ZFYVE26: variants seen among roughly 807,000 people sequenced by gnomAD.
The protein encoded by ZFYVE26 is zinc finger FYVE-type containing 26, also known as zinc finger FYVE domain-containing protein 26.
In ZFYVE26, 181 loss-of-function variants were observed where a neutral mutation model predicts 276.5. That is an observed-to-expected ratio of 0.65 (90% CI 0.58 to 0.74). The LOEUF is 0.74. Among genes scored for constraint, ZFYVE26 ranks in the 30% least tolerant of loss-of-function variants. The probability of loss-of-function intolerance (pLI) is 0.00; values close to 1 mark genes in which losing one functional copy is unlikely to be tolerated. For synonymous variants in ZFYVE26, 1,129 were observed against 1,203.1 expected (o/e 0.94, Z 1.27); for missense variants, 2,821 against 3,097.9 (o/e 0.91, Z 2.12).
At chr14:67,792,663 G>C (rs1320517926) in intron 14 of ZFYVE26, among the ~76,000 whole-genome samples, 5 of 152,122 alleles carry the variant, frequency 3.3e-5, no homozygotes, top group Non-Finnish European at 7.4e-5. Flanking sequence ...TGTAATCCCA[G>C]CATTTTGGGA....
At chr14:67,781,596 AC>A (rs1482665500) in intron 21 of ZFYVE26, 67 bp from the exon 22 acceptor site, 6 of 1,463,816 alleles carry the variant, frequency 4.1e-6, no homozygotes, top group African/African-American at 2.8e-5. Context: ...AGTCCAGGTT[AC>A]TTCTTGAGAA....
At chr14:67,775,318 C>T (rs569120843) in intron 26 of ZFYVE26, among the ~76,000 whole-genome samples, 1 of 152,212 alleles carries the variant, frequency 6.6e-6, no homozygotes, top group East Asian at 1.9e-4. Context: ...CATGTTTAGG[C>T]ATGTGAGATA....
At position 67,809,254 on chromosome 14, in the gene ZFYVE26, C is replaced by T. The variant is rs2040244078; in HGVS notation, c.309G>A (p.Glu103=). 1 of 1,614,062 alleles carries T rather than the reference C, an allele frequency of 6.2e-7. No homozygotes were observed. The highest frequency in any genetic ancestry group is 8.5e-7 in the Non-Finnish European group (1 of 1,180,002). ...LLPVVFRRKL[E]FLLLSEDLQG... is the part of the protein sequence containing the mutation. ...GGAGGTCTTCTGACAATAAAAGAAA[C>T]TCAAGCTTTCTCCGGAAAACAACTG... Residue 103 remains glutamate, a synonymous_variant, in exon 4 of 42, where the codon GAG becomes GAA. Transcript: ENST00000347230.
intron 10 of ZFYVE26, among the ~76,000 whole-genome samples, chr14:67,801,741 A>G (rs1268014797): frequency 6.6e-6 from 1 of 152,252 alleles, no homozygotes; most frequent in African/African-American, 2.4e-5. Context: ...TATATATCAC[A>G]TATATACACA....
intron 35 of ZFYVE26, among the ~76,000 whole-genome samples, chr14:67,756,799 T>G (rs1243015775): frequency 6.6e-6 from 1 of 152,204 alleles, no homozygotes; most frequent in Non-Finnish European, 1.5e-5. Flanking sequence ...TGATGATGCC[T>G]AAATCCCCAT....
chr14:67,810,917 A>T (rs2040286692), intron 3 of ZFYVE26, among the ~76,000 whole-genome samples: 1 of 152,254 alleles, frequency 6.6e-6, no homozygotes, highest in Middle Eastern at 3.4e-3. Flanking sequence ...TGTGTACATG[A>T]GTGAGGAGAG....
rs573023398 is a variant in ZFYVE26, at chr14:67,751,901, AC to A, written c.7371+442del. 2.4e-3 allele frequency among the ~76,000 whole-genome samples: 359 copies of A among 152,116 alleles called. 3 individuals carry two copies. The highest frequency in any genetic ancestry group is 4.1e-3 in the Non-Finnish European group (280 of 67,976). On this transcript the variant is annotated intron_variant, in intron 40 of 41. Coordinates refer to ENST00000347230, the MANE Select transcript of ZFYVE26 (RefSeq NM_015346.4). ...ACAAGAAAGAAAATTTAACCATAACACTAAGCTTCAGAATTTAGGGAGAAGG... is the reference window on the plus strand; with the variant it reads ...ACAAGAAAGAAAATTTAACCATAACATAAGCTTCAGAATTTAGGGAGAAGG...
chr14:67,732,718 G>A (rs2038298939), intron 13 of ZFYVE26, among the ~76,000 whole-genome samples: 2 of 151,800 alleles, frequency 1.3e-5, no homozygotes, highest in African/African-American at 4.8e-5. Flanking sequence ...CTGGGATTAC[G>A]GGTGCCCACC....
intron 28 of ZFYVE26, 196 bp from the exon 29 acceptor site, chr14:67,769,926 G>A: frequency 1.4e-6 from 1 of 707,920 alleles, no homozygotes; most frequent in South Asian, 1.8e-5. Flanking sequence ...TCAGCTGATG[G>A]GCAAAGGTGC....
At chr14:67,766,762 C>T (rs1370430411) in intron 31 of ZFYVE26, among the ~76,000 whole-genome samples, 13 of 152,002 alleles carry the variant, frequency 8.6e-5, no homozygotes, top group African/African-American at 2.9e-4. Flanking sequence ...TGCATTGGTG[C>T]GATCTCGGCT....
rs771851469 is a variant in ZFYVE26 at position 67,748,537 on chromosome 14, C to T, written c.7519G>A (p.Ala2507Thr). ...ATALVQQVQQ[A>T]AKSSGDAVVQ... The stretch of plus-strand genomic sequence containing the variant: ...ACTGCATCCCCGCTGCTCTTGGCGG[C>T]CTGCTGCACCTGCTGGACAAGGGCT... Residue 2507 changes from alanine (A) to threonine (T), a missense_variant, in exon 42 of 42, where the codon GCC (alanine) becomes ACC (threonine). Coordinates refer to ENST00000347230, the MANE Select transcript of ZFYVE26 (RefSeq NM_015346.4). 3 of 1,614,140 alleles carry T rather than the reference C, an allele frequency of 1.9e-6. No homozygotes were observed. The highest frequency in any genetic ancestry group is 2.5e-6 in the Non-Finnish European group (3 of 1,180,004).
chr14:67,788,836 T>C (rs2039731733), intron 16 of ZFYVE26, among the ~76,000 whole-genome samples: 1 of 152,184 alleles, frequency 6.6e-6, no homozygotes, highest in African/African-American at 2.4e-5. Context: ...CAAGGACAGG[T>C]GTGGGGAGTA....
At chr14:67,795,999 A>T (rs2140240367) in intron 12 of ZFYVE26, among the ~76,000 whole-genome samples, 1 of 152,308 alleles carries the variant, frequency 6.6e-6, no homozygotes, top group East Asian at 1.9e-4. Flanking sequence ...AGGTTTTAAA[A>T]AATCTAATAC....
chr14:67,766,495 G>A, intron 31 of ZFYVE26, 48 bp from the exon 32 acceptor site: 1 of 1,577,830 alleles, frequency 6.3e-7, no homozygotes, highest in East Asian at 2.2e-5. Flanking sequence ...CCAGGGGCCA[G>A]AGCATTCTCC....
At chr14:67,761,909 A>C (rs2038940680) in intron 34 of ZFYVE26, 2 of 553,884 alleles carry the variant, frequency 3.6e-6, no homozygotes, top group Non-Finnish European at 6.4e-6. Context: ...TAACATAGAA[A>C]ATTCACCAGA....
At chr14:67,808,879 C>T (rs951309988) in intron 4 of ZFYVE26, among the ~76,000 whole-genome samples, 1 of 152,174 alleles carries the variant, frequency 6.6e-6, no homozygotes, top group Non-Finnish European at 1.5e-5. Flanking sequence ...TGAGAATTAA[C>T]TCTAACACAT....
In ZFYVE26 at chr14:67,809,250, G is replaced by T. The variant is rs2040243943; in HGVS notation, c.313C>A (p.Leu105Ile). 1 of 1,613,978 alleles carries T rather than the reference G, an allele frequency of 6.2e-7. No homozygotes were observed. Among genetic ancestry groups the T allele is most frequent in the Non-Finnish European group, 8.5e-7 (1 of 1,179,990 alleles). The change falls in exon 4 of 42, where the codon CTT (leucine) becomes ATT (isoleucine). Residue 105 changes from leucine (L) to isoleucine (I), a missense_variant. Leu to Ile is a conservative substitution (Grantham distance 5). Transcript: ENST00000347230. The stretch of plus-strand genomic sequence containing the variant: ...CCTTGGAGGTCTTCTGACAATAAAA[G>T]AAACTCAAGCTTTCTCCGGAAAACA... ...PVVFRRKLEF[L>I]LLSEDLQGDI...
rs10587200 is a variant in ZFYVE26 at position 67,761,771 on chromosome 14, CAAAT to C, written c.6370-191_6370-188del. 0.95 allele frequency: 583,447 copies of C among 613,706 alleles called. 278,280 individuals carry two copies. The highest frequency in any genetic ancestry group is 0.98 in the Non-Finnish European group (343,553 of 350,536). The allele number at this position is 613,706 out of a possible 1,614,324, so 38.0% of individuals were successfully genotyped here. A position where few individuals can be genotyped will look rare whatever the true frequency, so the allele number is the denominator to read the frequency against. ...AAAGTATGATAAAAAAATAAAAAAACAAATAAAGAAAGAATATTTAACAATGTGG... is the reference window on the plus strand; with the variant it reads ...AAAGTATGATAAAAAAATAAAAAAACAAAGAAAGAATATTTAACAATGTGG... On this transcript the variant is annotated intron_variant, in intron 34 of 41. Transcript: ENST00000347230.
In ZFYVE26 at chr14:67,781,377, A is replaced by G. The variant is rs1594911188; in HGVS notation, c.4525T>C (p.Cys1509Arg). The G allele has an allele frequency of 6.2e-7, 1 of 1,614,094 alleles. No homozygotes were observed. The highest frequency in any genetic ancestry group is 8.5e-7 in the Non-Finnish European group (1 of 1,180,018). ...SDTAVQEGLK[C>R]ELQRKLAELQ... Reference sequence around the variant, plus strand: ...TCCGCCAGCTTCCTCTGTAGCTCACACTTTAGTCCTTCTTGGACAGCCGTG... The same window carrying G: ...TCCGCCAGCTTCCTCTGTAGCTCACGCTTTAGTCCTTCTTGGACAGCCGTG... Residue 1509 changes from cysteine to arginine, a missense_variant, in exon 22 of 42, where the codon TGT becomes CGT. Transcript: ENST00000347230.
Sources: gnomAD v4.1 joint callset for allele counts (sites outside exome capture counted in the v4.1 genomes callset) on GRCh38, gnomAD v4.1.1 for gene constraint, MANE v1.5 for transcripts, NCBI Gene and HGNC (gene_info 2026-07-23, HGNC 2026-07-21) for gene names.